XKRX: variants seen among roughly 807,000 people sequenced by gnomAD.
XKRX encodes XK-related protein 2.
Under a neutral mutation model 22.4 loss-of-function variants are expected in XKRX, and 11 were observed. The observed-to-expected ratio is 0.49, with a 90% CI of 0.31 to 0.81. XKRX has a LOEUF of 0.81. XKRX is among the 40% of genes least tolerant of loss of function. The probability of loss-of-function intolerance (pLI) is 0.05; values close to 1 mark genes in which losing one functional copy is unlikely to be tolerated. For missense variants in XKRX, 320 were observed against 336.5 expected (o/e 0.95, Z 0.38); for synonymous variants, 114 against 132.2 (o/e 0.86, Z 0.94).
chrX:100,919,805 A>G (rs752748594), intron 2 of XKRX, among the ~76,000 whole-genome samples: 30 of 112,026 alleles, frequency 2.7e-4, no homozygotes, highest in Middle Eastern at 4.6e-3. Context: ...TGAGAGTATA[A>G]ATTCATATAT....
the XKRX span, among the ~76,000 whole-genome samples, chrX:100,954,813 A>AAGT: frequency 2.7e-5 from 3 of 112,671 alleles, no homozygotes; most frequent in African/African-American, 9.7e-5. Flanking sequence ...CTGTCACAAA[A>AAGT]GATTACATAT....
At chrX:100,950,985 C>G in the XKRX span, among the ~76,000 whole-genome samples, 2 of 110,313 alleles carry the variant, frequency 1.8e-5, no homozygotes, top group African/African-American at 6.6e-5. Flanking sequence ...GTAATCCCAC[C>G]ACTTTGGGAG....
At chrX:100,951,222 G>A in the XKRX span, among the ~76,000 whole-genome samples, 122 of 81,967 alleles carry the variant, frequency 1.5e-3, no homozygotes, top group African/African-American at 6.1e-3. Context: ...CGACAAGAGC[G>A]AGGCTCCATC....
At chrX:100,932,007 G>A (rs773213169), upstream of XKRX, among the ~76,000 whole-genome samples, 20 of 111,383 alleles carry the variant, frequency 1.8e-4, no homozygotes, top group African/African-American at 5.5e-4. Flanking sequence ...AAATTATCAC[G>A]GGCTCCTTGA....
At chrX:100,927,165 C>T (rs1339455287) in intron 1 of XKRX, among the ~76,000 whole-genome samples, 1 of 110,371 alleles carries the variant, frequency 9.1e-6, no homozygotes, top group Non-Finnish European at 1.9e-5. Flanking sequence ...ATAACGAGAT[C>T]CCGTCTCTAC....
At chrX:100,927,671 A>G (rs1272331522) in intron 1 of XKRX, among the ~76,000 whole-genome samples, 1 of 110,807 alleles carries the variant, frequency 9.0e-6, no homozygotes, top group Non-Finnish European at 1.9e-5. Context: ...AAAATTACAC[A>G]CTCTGCAGCT....
chrX:100,923,429 G>A (rs1470271904), intron 1 of XKRX, among the ~76,000 whole-genome samples: 1 of 112,057 alleles, frequency 8.9e-6, no homozygotes, highest in East Asian at 2.8e-4. Flanking sequence ...CTAAAGTGCT[G>A]GGATCACACG....
chrX:100,945,437 T>C, the XKRX span, among the ~76,000 whole-genome samples: 1 of 112,419 alleles, frequency 8.9e-6, no homozygotes, highest in Admixed American at 9.4e-5. Flanking sequence ...CGAACTTTAA[T>C]ATGAATGTGA....
the XKRX span, among the ~76,000 whole-genome samples, chrX:100,891,543 T>C: frequency 9.1e-6 from 1 of 110,152 alleles, no homozygotes; most frequent in South Asian, 3.8e-4. Context: ...TACACATTTA[T>C]GGTCAATTGA....
upstream of XKRX, chrX:100,929,350 G>A (rs2085512936): frequency 8.9e-6 from 1 of 111,879 alleles, no homozygotes; most frequent in Non-Finnish European, 1.9e-5. Context: ...TCGTTGTGGA[G>A]TGGCGGGACA....
chrX:100,943,480 T>C, the XKRX span, among the ~76,000 whole-genome samples: 343 of 111,613 alleles, frequency 3.1e-3, 1 homozygote, highest in African/African-American at 0.011. Context: ...CTCGGCTCAC[T>C]GCAACCTCCG....
the XKRX span, chrX:100,957,065 G>A: frequency 8.8e-7 from 1 of 1,133,622 alleles, no homozygotes; most frequent in Admixed American, 2.2e-5. Context: ...TAAATGCTGA[G>A]CCTGGTAAGA....
chrX:100,917,718 G>GAAAGAAAGAAAGAAAGAAAGA (rs1556194341), intron 2 of XKRX, among the ~76,000 whole-genome samples: 8 of 85,760 alleles, frequency 9.3e-5, no homozygotes, highest in African/African-American at 3.0e-4. Flanking sequence ...AAGAAAGAAA[G>GAAAGAAAGAAAGAAAGAAAGA]AAAGAAATCC....
the XKRX span, among the ~76,000 whole-genome samples, chrX:100,951,121 C>G: frequency 9.4e-6 from 1 of 106,503 alleles, no homozygotes. Flanking sequence ...GTAATCCCAG[C>G]TACTAGGGAG....
the XKRX span, among the ~76,000 whole-genome samples, chrX:100,948,509 G>A: frequency 7.1e-5 from 8 of 112,012 alleles, no homozygotes; most frequent in South Asian, 2.2e-3. Flanking sequence ...CAGATGGGGC[G>A]CTGGAGAAGC....
intron 2 of XKRX, among the ~76,000 whole-genome samples, chrX:100,917,603 A>G (rs2085443396): frequency 9.8e-6 from 1 of 101,648 alleles, no homozygotes; most frequent in Admixed American, 1.1e-4. Context: ...AGAAAAAGAA[A>G]AGGAAAAAGA....
At chrX:100,912,781 T>C (rs1456245055), downstream of XKRX, among the ~76,000 whole-genome samples, 2 of 112,192 alleles carry the variant, frequency 1.8e-5, no homozygotes, top group Non-Finnish European at 3.8e-5. Flanking sequence ...CTGACATTCC[T>C]ATCAAAATAC....
the XKRX span, among the ~76,000 whole-genome samples, chrX:100,904,764 C>A: frequency 9.0e-6 from 1 of 111,614 alleles, no homozygotes; most frequent in African/African-American, 3.3e-5. Flanking sequence ...TGAGCCAATC[C>A]GATGGAGAAG....
chrX:100,920,920 T>C (rs2085469168), intron 2 of XKRX, among the ~76,000 whole-genome samples: 1 of 109,418 alleles, frequency 9.1e-6, no homozygotes, highest in Non-Finnish European at 1.9e-5. Context: ...CCACCACGCC[T>C]GGCTGAATTT....
Sources: gnomAD v4.1 joint callset for allele counts (sites outside exome capture counted in the v4.1 genomes callset) on GRCh38, gnomAD v4.1.1 for gene constraint, MANE v1.5 for transcripts, NCBI Gene and HGNC (gene_info 2026-07-23, HGNC 2026-07-21) for gene names.